ZFAND3: variants seen among roughly 807,000 people sequenced by gnomAD.
ZFAND3 encodes the protein AN1-type zinc finger protein 3.
Under a neutral mutation model 29.6 loss-of-function variants are expected in ZFAND3, and 10 were observed. That is an observed-to-expected ratio of 0.34 (90% CI 0.21 to 0.57). The LOEUF is 0.57. Among genes scored for constraint, ZFAND3 ranks in the 20% least tolerant of loss-of-function variants. The pLI is 0.86. For synonymous variants in ZFAND3, 128 were observed against 112.6 expected (o/e 1.14, Z -0.87); for missense variants, 230 against 304.5 (o/e 0.76, Z 1.82).
At chr6:38,114,161 A>G (rs1765372295) in intron 4 of ZFAND3, among the ~76,000 whole-genome samples, 1 of 152,240 alleles carries the variant, frequency 6.6e-6, no homozygotes, top group Non-Finnish European at 1.5e-5. Context: ...TGTCTCAGAA[A>G]AAAACATTTT....
intron 3 of ZFAND3, among the ~76,000 whole-genome samples, chr6:38,063,448 A>G (rs566596101): frequency 1.3e-5 from 2 of 152,210 alleles, no homozygotes; most frequent in Non-Finnish European, 2.9e-5. Context: ...GCAACAAAAA[A>G]TCATTCAGCT....
chr6:37,899,554 T>A (rs1765281218), intron 1 of ZFAND3, among the ~76,000 whole-genome samples: 1 of 152,242 alleles, frequency 6.6e-6, no homozygotes, highest in African/African-American at 2.4e-5. Context: ...TTGTCCAATT[T>A]AGATGTATAT....
At chr6:38,109,335 A>G (rs1177611955) in intron 4 of ZFAND3, among the ~76,000 whole-genome samples, 1 of 152,048 alleles carries the variant, frequency 6.6e-6, no homozygotes, top group Admixed American at 6.6e-5. Context: ...GGTGTGCGCC[A>G]CTACCAGCTG....
chr6:38,143,406 G>A (rs570966354), intron 5 of ZFAND3, among the ~76,000 whole-genome samples: 2 of 152,246 alleles, frequency 1.3e-5, no homozygotes, highest in African/African-American at 4.8e-5. Context: ...GCCAAGGGAG[G>A]GCTCTCAATC....
At chr6:37,991,185 A>G (rs2127435580) in intron 2 of ZFAND3, among the ~76,000 whole-genome samples, 1 of 152,272 alleles carries the variant, frequency 6.6e-6, no homozygotes, top group South Asian at 2.1e-4. Flanking sequence ...CACGTGTGCT[A>G]ACATTGGTTT....
At chr6:37,853,416 A>G (rs1346132574) in intron 1 of ZFAND3, among the ~76,000 whole-genome samples, 5 of 150,748 alleles carry the variant, frequency 3.3e-5, no homozygotes, top group Non-Finnish European at 5.9e-5. Flanking sequence ...CCTCAAGAAA[A>G]AAAAAAAAAA....
chr6:38,131,895 C>G (rs942242860), intron 5 of ZFAND3, among the ~76,000 whole-genome samples: 2 of 152,192 alleles, frequency 1.3e-5, no homozygotes, highest in African/African-American at 2.4e-5. Context: ...CCAACCACAG[C>G]TGAGTGGGAA....
chr6:38,124,635 C>T (rs1765598715), intron 5 of ZFAND3, among the ~76,000 whole-genome samples: 3 of 152,228 alleles, frequency 2.0e-5, no homozygotes, highest in Admixed American at 1.3e-4. Context: ...CAAGCCCATG[C>T]CCATCTGGAA....
At chr6:37,877,361 T>C (rs1163604710) in intron 1 of ZFAND3, among the ~76,000 whole-genome samples, 1 of 152,108 alleles carries the variant, frequency 6.6e-6, no homozygotes, top group East Asian at 1.9e-4. Flanking sequence ...AGTGTTTTTG[T>C]TTTTGTTTTT....
At chr6:37,917,270 C>A (rs1761277392) in intron 1 of ZFAND3, among the ~76,000 whole-genome samples, 1 of 152,110 alleles carries the variant, frequency 6.6e-6, no homozygotes, top group Non-Finnish European at 1.5e-5. Context: ...TGTTAGCGGT[C>A]ATTGGTCTCA....
At chr6:37,977,780 T>G (rs1225781601) in intron 2 of ZFAND3, among the ~76,000 whole-genome samples, 1 of 143,732 alleles carries the variant, frequency 7.0e-6, no homozygotes, top group Non-Finnish European at 1.5e-5. Context: ...GTTTTTTGTT[T>G]TTTTTTTTTT....
At position 37,881,793 on chromosome 6, in the gene ZFAND3, A is replaced by AG. The variant is rs534238246; in HGVS notation, c.72-48162dup. 5.3e-4 allele frequency among the ~76,000 whole-genome samples: 81 copies of AG among 152,118 alleles called. 1 individual carries two copies. The highest frequency in any genetic ancestry group is 1.1e-3 in the Non-Finnish European group (73 of 68,016). ...GTGTTGAGAGCTGGACTTCAGGGATAGGGGTAGGCAAGAGTAGAGTTGAAT... is the reference window on the plus strand; with the variant it reads ...GTGTTGAGAGCTGGACTTCAGGGATAGGGGGTAGGCAAGAGTAGAGTTGAAT... On this transcript the variant is annotated intron_variant, in intron 1 of 5. Coordinates refer to ENST00000287218, the MANE Select transcript of ZFAND3 (RefSeq NM_021943.3).
At chr6:37,839,703 C>T (rs1234489544) in intron 1 of ZFAND3, among the ~76,000 whole-genome samples, 3 of 151,320 alleles carry the variant, frequency 2.0e-5, no homozygotes, top group African/African-American at 4.9e-5. Context: ...TTAGTAGAGA[C>T]GGGGTGTCAC....
intron 2 of ZFAND3, among the ~76,000 whole-genome samples, chr6:37,981,108 T>G (rs932792324): frequency 6.6e-6 from 1 of 152,260 alleles, no homozygotes; most frequent in African/African-American, 2.4e-5. Context: ...ATCAGTGGTC[T>G]GAGCCTAAGG....
chr6:37,887,594 A>C (rs1765018961), intron 1 of ZFAND3, among the ~76,000 whole-genome samples: 1 of 152,206 alleles, frequency 6.6e-6, no homozygotes, highest in African/African-American at 2.4e-5. Flanking sequence ...AAAGTATGAA[A>C]TTGTATTTAA....
intron 2 of ZFAND3, among the ~76,000 whole-genome samples, chr6:38,024,672 A>C (rs758072390): frequency 6.6e-6 from 1 of 152,190 alleles, no homozygotes; most frequent in Non-Finnish European, 1.5e-5. Context: ...GACAAACCTC[A>C]AAAACATTTA....
intron 3 of ZFAND3, among the ~76,000 whole-genome samples, chr6:38,080,051 C>A (rs1299168901): frequency 6.8e-6 from 1 of 148,008 alleles, no homozygotes. Context: ...TTTAAAAGTT[C>A]CTCCAAAAAA....
At chr6:37,882,812 CACTGTGGG>C (rs1240178331) in intron 1 of ZFAND3, among the ~76,000 whole-genome samples, 1 of 152,176 alleles carries the variant, frequency 6.6e-6, no homozygotes, top group African/African-American at 2.4e-5. Context: ...TATGTCTGTT[CACTGTGGG>C]ACTTTGGAAT....
chr6:38,120,731 A>G (rs1765517489), intron 5 of ZFAND3, among the ~76,000 whole-genome samples: 1 of 152,182 alleles, frequency 6.6e-6, no homozygotes, highest in African/African-American at 2.4e-5. Flanking sequence ...TTGATGGTGC[A>G]TTAACAAACT....
Sources: allele counts gnomAD v4.1 joint callset (sites outside exome capture counted in the v4.1 genomes callset), GRCh38; gene constraint gnomAD v4.1.1; transcripts MANE v1.5; gene names NCBI Gene and HGNC (gene_info 2026-07-23, HGNC 2026-07-21).